Variants in NUBPL observed in about 807,000 individuals in gnomAD.
The protein encoded by NUBPL is NUBP iron-sulfur cluster assembly factor, mitochondrial.
A neutral mutation model predicts 45.7 loss-of-function variants in NUBPL; 31 were observed. The ratio of observed to expected loss-of-function variants is 0.68; its 90% CI spans 0.51 to 0.92. The LOEUF (loss-of-function observed/expected upper bound fraction) is 0.92. Ranked by LOEUF, NUBPL falls within the 40% of genes least tolerant of loss-of-function variation. NUBPL has a pLI of 0.00. For missense variants in NUBPL, 401 were observed against 398.7 expected, an observed-to-expected ratio of 1.01 and a Z score of -0.05; for synonymous variants, 144 against 140.9, an observed-to-expected ratio of 1.02 and a Z score of -0.15.
At chr14:31,669,353 G>A (rs1246011892) in intron 4 of NUBPL, among the ~76,000 whole-genome samples, 1 of 151,836 alleles carries the variant, frequency 6.6e-6, no homozygotes, top group African/African-American at 2.4e-5. Flanking sequence ...ATACCTTATT[G>A]TTAATGCATG....
chr14:31,629,085 A>T (rs1418879842), intron 4 of NUBPL, among the ~76,000 whole-genome samples: 1 of 152,228 alleles, frequency 6.6e-6, no homozygotes, highest in African/African-American at 2.4e-5. Flanking sequence ...AATTATAAAA[A>T]TAGTTTTACC....
intron 6 of NUBPL, among the ~76,000 whole-genome samples, chr14:31,676,034 T>C (rs1386413211): frequency 1.3e-5 from 2 of 152,108 alleles, no homozygotes; most frequent in Non-Finnish European, 2.9e-5. Context: ...AGCTTTTTTT[T>C]TTTTTGAGAC....
At chr14:31,642,357 G>C (rs907932746) in intron 4 of NUBPL, among the ~76,000 whole-genome samples, 4 of 152,112 alleles carry the variant, frequency 2.6e-5, no homozygotes, top group African/African-American at 9.7e-5. Context: ...TTTGATTTTT[G>C]TACATGGTGA....
At chr14:31,841,742 T>C (rs8020037) in intron 8 of NUBPL, among the ~76,000 whole-genome samples, 64,565 of 151,518 alleles carry the variant, frequency 0.43, 14,166 homozygotes, top group South Asian at 0.55. Flanking sequence ...TTTCTAAAAG[T>C]GTTATTATTT....
intron 6 of NUBPL, among the ~76,000 whole-genome samples, chr14:31,693,816 A>C (rs1414295136): frequency 6.7e-6 from 1 of 150,206 alleles, no homozygotes. Context: ...AAAAAAAAAA[A>C]AAAAAAACCT....
chr14:31,792,249 T>C (rs2039395780), intron 7 of NUBPL, among the ~76,000 whole-genome samples: 1 of 152,186 alleles, frequency 6.6e-6, no homozygotes, highest in East Asian at 1.9e-4. Flanking sequence ...AAAATAAATT[T>C]ATCTGTGAAT....
rs2138718595 is a variant in NUBPL, at chr14:31,759,018, T to C, written c.514-28762T>C. Among the ~76,000 whole-genome samples the C allele has an allele frequency of 1.3e-5, 2 of 152,082 alleles. 1 individual carries two copies. Among genetic ancestry groups the C allele is most frequent in the Middle Eastern group, 6.8e-3 (2 of 294 alleles). ...CTTACCATCCTCCATGTATGGCACA[T>C]AGGAGTCTTAGAACATACCCTTTCC... On this transcript the variant is annotated intron_variant, in intron 6 of 10. Transcript: ENST00000281081.
chr14:31,605,998 C>G (rs1345101822), intron 4 of NUBPL, among the ~76,000 whole-genome samples: 7 of 148,874 alleles, frequency 4.7e-5, no homozygotes. Context: ...GTCCTCCCTT[C>G]TCCTTCTTCC....
At chr14:31,793,811 T>G (rs1442381847) in intron 7 of NUBPL, among the ~76,000 whole-genome samples, 1 of 149,594 alleles carries the variant, frequency 6.7e-6, no homozygotes, top group African/African-American at 2.4e-5. Context: ...TAGAAGGATT[T>G]GTGCCCCCTT....
chr14:31,706,708 C>T (rs573747860), intron 6 of NUBPL, among the ~76,000 whole-genome samples: 2 of 152,168 alleles, frequency 1.3e-5, no homozygotes, highest in African/African-American at 4.8e-5. Flanking sequence ...GCCAAAGAGT[C>T]TATTTGGGAT....
chr14:31,841,917 C>CT (rs547795007), intron 8 of NUBPL, among the ~76,000 whole-genome samples: 1,439 of 42,998 alleles, frequency 0.033, 402 homozygotes, highest in African/African-American at 0.058. Context: ...CGATTCTGGG[C>CT]TTTTTTTTTT....
chr14:31,613,814 A>C (rs919766621), intron 4 of NUBPL, among the ~76,000 whole-genome samples: 1 of 152,092 alleles, frequency 6.6e-6, no homozygotes, highest in African/African-American at 2.4e-5. Flanking sequence ...CCCTATCTCC[A>C]TGTTGTGATT....
intron 6 of NUBPL, among the ~76,000 whole-genome samples, chr14:31,693,938 C>T (rs910280239): frequency 1.4e-5 from 2 of 143,466 alleles, no homozygotes; most frequent in African/African-American, 5.6e-5. Context: ...TCACTGTAAG[C>T]TCCGCCTCCT....
intron 4 of NUBPL, among the ~76,000 whole-genome samples, chr14:31,621,437 C>T (rs955329593): frequency 6.6e-6 from 1 of 152,204 alleles, no homozygotes; most frequent in Non-Finnish European, 1.5e-5. Context: ...GAGGGAGTCT[C>T]ATGGTCTGCC....
At chr14:31,851,235 CTTTTTTT>C (rs10611566) in intron 10 of NUBPL, among the ~76,000 whole-genome samples, 1 of 139,080 alleles carries the variant, frequency 7.2e-6, no homozygotes, top group Non-Finnish European at 1.6e-5. Context: ...AATAGTTTTT[CTTTTTTT>C]TTTTTTTTCT....
At chr14:31,568,157 A>T (rs1432510786) in intron 3 of NUBPL, among the ~76,000 whole-genome samples, 1 of 152,140 alleles carries the variant, frequency 6.6e-6, no homozygotes, top group Non-Finnish European at 1.5e-5. Flanking sequence ...TAGAAAAAGG[A>T]CCCTGTCTTC....
intron 6 of NUBPL, among the ~76,000 whole-genome samples, chr14:31,688,652 G>GTTTTTTTTTTTTTT (rs552419842): frequency 1.0e-5 from 1 of 99,156 alleles, no homozygotes; most frequent in African/African-American, 4.0e-5. Context: ...ACAGGTTTTT[G>GTTTTTTTTTTTTTT]TTGTTGTTTT....
chr14:31,726,468 G>C (rs557513265), intron 6 of NUBPL, among the ~76,000 whole-genome samples: 295 of 152,268 alleles, frequency 1.9e-3, no homozygotes, highest in Non-Finnish European at 3.4e-3. Flanking sequence ...TCTATCAGTG[G>C]AACTGTTTGC....
chr14:31,736,561 T>A (rs1471761652), intron 6 of NUBPL, among the ~76,000 whole-genome samples: 2 of 152,234 alleles, frequency 1.3e-5, no homozygotes, highest in African/African-American at 4.8e-5. Context: ...TTTGTTGTTA[T>A]ATAGTATTAC....
Sources: gnomAD v4.1 joint callset for allele counts (sites outside exome capture counted in the v4.1 genomes callset) on GRCh38, gnomAD v4.1.1 for gene constraint, MANE v1.5 for transcripts, NCBI Gene and HGNC (gene_info 2026-07-23, HGNC 2026-07-21) for gene names.